The following GALK2 variants were observed in gnomAD, a reference collection of about 807,000 sequenced individuals.
The protein encoded by GALK2 is galactokinase 2, also known as N-acetylgalactosamine kinase.
GALK2 carries 36 observed loss-of-function variants against 52.4 expected under a neutral mutation model. The observed-to-expected ratio is 0.69, with a 90% CI of 0.53 to 0.91. The LOEUF (loss-of-function observed/expected upper bound fraction) is 0.91. GALK2 is among the 40% of genes least tolerant of loss of function. The pLI, the probability that GALK2 is intolerant of heterozygous loss-of-function variation, is 0.00. For missense variants in GALK2, 579 were observed against 559.1 expected, an observed-to-expected ratio of 1.04 and a Z score of -0.36; for synonymous variants, 176 against 199.1, an observed-to-expected ratio of 0.88 and a Z score of 0.98.
At chr15:49,190,373 T>G (rs567402198) in intron 1 of GALK2, among the ~76,000 whole-genome samples, 2 of 152,348 alleles carry the variant, frequency 1.3e-5, no homozygotes, top group South Asian at 2.1e-4. Flanking sequence ...CAATTTTTTT[T>G]GTATATATTT....
chr15:49,311,756 C>A (rs2141913783), intron 8 of GALK2, among the ~76,000 whole-genome samples: 1 of 152,382 alleles, frequency 6.6e-6, no homozygotes, highest in East Asian at 1.9e-4. Flanking sequence ...AGTGCCTCTT[C>A]TTTGTAGCCA....
chr15:49,259,574 T>G (rs2091992229), intron 5 of GALK2, among the ~76,000 whole-genome samples: 2 of 138,538 alleles, frequency 1.4e-5, no homozygotes, highest in Admixed American at 1.4e-4. Flanking sequence ...CACATTTTCT[T>G]TTTTTTTTTT....
chr15:49,231,880 C>T (rs1885333562), intron 3 of GALK2, among the ~76,000 whole-genome samples: 1 of 152,192 alleles, frequency 6.6e-6, no homozygotes, highest in Non-Finnish European at 1.5e-5. Context: ...CAAAGTAAAG[C>T]CCCTGAGGCT....
chr15:49,359,730 C>A (rs2043840184), intron 3 of GALK2, among the ~76,000 whole-genome samples: 2 of 138,030 alleles, frequency 1.4e-5, no homozygotes, highest in African/African-American at 5.5e-5. Flanking sequence ...CCAGCCATCC[C>A]ATTACTGGGT....
intron 8 of GALK2, among the ~76,000 whole-genome samples, chr15:49,315,146 G>A (rs1363120848): frequency 7.9e-5 from 12 of 152,140 alleles, no homozygotes; most frequent in Non-Finnish European, 1.5e-5. Context: ...GATTCACATT[G>A]GAGAAAATCA....
intron 3 of GALK2, among the ~76,000 whole-genome samples, chr15:49,338,932 T>C (rs1450674345): frequency 2.0e-5 from 3 of 152,222 alleles, no homozygotes; most frequent in African/African-American, 4.8e-5. Context: ...CTATTGATAC[T>C]TGTGTATGCT....
chr15:49,283,474 T>C, intron 6 of GALK2, 92 bp from the exon 7 acceptor site: 1 of 1,160,982 alleles, frequency 8.6e-7, no homozygotes, highest in South Asian at 1.5e-5. Context: ...GAATGCATTT[T>C]TGACAAAACA....
intron 1 of GALK2, 54 bp downstream of exon 1, chr15:49,170,429 AT>A: frequency 6.5e-7 from 1 of 1,539,180 alleles, no homozygotes; most frequent in Non-Finnish European, 8.8e-7. Flanking sequence ...CTACGTGTAG[AT>A]CGGGTCCACA....
At chr15:49,224,273 T>G (rs959997112) in intron 3 of GALK2, among the ~76,000 whole-genome samples, 3 of 152,244 alleles carry the variant, frequency 2.0e-5, no homozygotes, top group African/African-American at 7.2e-5. Flanking sequence ...TGTGAATATT[T>G]TCTCTCATTT....
At chr15:49,183,419 T>TTA (rs1390986304) in intron 1 of GALK2, among the ~76,000 whole-genome samples, 2 of 152,248 alleles carry the variant, frequency 1.3e-5, no homozygotes, top group African/African-American at 2.4e-5. Flanking sequence ...TTCATTGACC[T>TTA]ACTGGTCATT....
At chr15:49,165,817 T>TA (rs1555394404), upstream of GALK2, among the ~76,000 whole-genome samples, 1 of 150,480 alleles carries the variant, frequency 6.6e-6, no homozygotes, top group African/African-American at 2.4e-5. Flanking sequence ...TTTTTTTTTT[T>TA]ATTGAGACGG....
At chr15:49,201,082 G>GTGTA (rs1027873430) in intron 1 of GALK2, 80 bp from the exon 2 acceptor site, 1 of 685,294 alleles carries the variant, frequency 1.5e-6, no homozygotes, top group Admixed American at 2.0e-5. Flanking sequence ...GTGTGTGTGT[G>GTGTA]TGTGTATGTA....
At chr15:49,304,033 G>C (rs915992897) in intron 8 of GALK2, among the ~76,000 whole-genome samples, 70 of 152,240 alleles carry the variant, frequency 4.6e-4, no homozygotes, top group African/African-American at 1.6e-3. Flanking sequence ...GTAGAATGAG[G>C]CTTCTGCAGA....
At chr15:49,365,886 T>A in intron 3 of GALK2, 2 of 963,942 alleles carry the variant, frequency 2.1e-6, no homozygotes, top group Non-Finnish European at 3.4e-6. Context: ...TATGAATTAG[T>A]GCAGCAAGAG....
chr15:49,197,085 C>T (rs759792895), intron 1 of GALK2, among the ~76,000 whole-genome samples: 3 of 152,212 alleles, frequency 2.0e-5, no homozygotes, highest in Non-Finnish European at 4.4e-5. Flanking sequence ...CAGAGCGAGT[C>T]CCTGTCTCTC....
intron 3 of GALK2, among the ~76,000 whole-genome samples, chr15:49,230,660 C>T (rs1466747861): frequency 2.0e-5 from 3 of 152,148 alleles, no homozygotes; most frequent in Non-Finnish European, 2.9e-5. Context: ...ACCCCAGATC[C>T]AGACACACAC....
intron 1 of GALK2, chr15:49,156,295 C>T (rs907604561): frequency 2.0e-5 from 9 of 452,816 alleles, no homozygotes; most frequent in African/African-American, 1.4e-4. Flanking sequence ...AAATACATTA[C>T]TGTGAACCTG....
At chr15:49,213,123 A>G (rs1210664467) in intron 2 of GALK2, among the ~76,000 whole-genome samples, 1 of 152,152 alleles carries the variant, frequency 6.6e-6, no homozygotes, top group Non-Finnish European at 1.5e-5. Context: ...ATAGGCATCT[A>G]TCCTTCTTTT....
intron 2 of GALK2, among the ~76,000 whole-genome samples, chr15:49,213,694 T>C (rs913386727): frequency 1.3e-5 from 2 of 152,246 alleles, no homozygotes; most frequent in African/African-American, 4.8e-5. Flanking sequence ...GTTATAGTTA[T>C]AAGGTACAGA....
Sources: allele counts gnomAD v4.1 joint callset (sites outside exome capture counted in the v4.1 genomes callset), GRCh38; gene constraint gnomAD v4.1.1; transcripts MANE v1.5; gene names NCBI Gene and HGNC (gene_info 2026-07-23, HGNC 2026-07-21).